Variants in AGMO observed in about 807,000 individuals in gnomAD.
AGMO encodes alkylglycerol monooxygenase, also known as glyceryl-ether monooxygenase.
A neutral mutation model predicts 60.2 loss-of-function variants in AGMO; 75 were observed. That is an observed-to-expected ratio of 1.25 (90% confidence interval 1.03 to 1.51). AGMO has a LOEUF of 1.51. Among genes scored for constraint, AGMO ranks in the 40% most tolerant of loss-of-function variants. AGMO has a pLI of 0.00. For missense variants in AGMO, 763 were observed against 525.5 expected, an observed-to-expected ratio of 1.45 and a Z score of -4.42; for synonymous variants, 261 against 177.1, an observed-to-expected ratio of 1.47 and a Z score of -3.76.
chr7:15,402,592 A>G lies in AGMO; in HGVS notation c.610-8413T>C, dbSNP rs535637625. 1.9e-4 allele frequency among the ~76,000 whole-genome samples: 28 copies of G among 147,388 alleles called. No individual in the cohort carries two copies. In the East Asian group the frequency reaches 5.3e-3, roughly 28 times the overall value. ...ATAGTCATATATTTAACCTTATTAA[A>G]TATATTTATCATTTAATAATAATAT... On this transcript the variant is annotated intron_variant, in intron 5 of 12. Transcript: ENST00000342526.
chr7:15,173,773 T>A, the AGMO span, among the ~76,000 whole-genome samples: 1 of 151,780 alleles, frequency 6.6e-6, no homozygotes, highest in African/African-American at 2.4e-5. Context: ...CCAATAGATA[T>A]AAATTTGAAA....
intron 4 of AGMO, 65 bp downstream of exon 4, chr7:15,430,940 A>C: frequency 1.8e-6 from 1 of 551,818 alleles, no homozygotes; most frequent in Non-Finnish European, 2.7e-6. Context: ...TTTTGAGGAA[A>C]TAGAAATAGC....
chr7:15,156,889 A>G, the AGMO span, among the ~76,000 whole-genome samples: 1 of 152,132 alleles, frequency 6.6e-6, no homozygotes, highest in Non-Finnish European at 1.5e-5. Flanking sequence ...ATTTTCTTTC[A>G]GCACATTGAA....
intron 12 of AGMO, among the ~76,000 whole-genome samples, chr7:15,338,004 G>C (rs1342373171): frequency 2.6e-5 from 4 of 152,154 alleles, no homozygotes; most frequent in Non-Finnish European, 5.9e-5. Context: ...CTCCAGGGAA[G>C]ATGTGACCAA....
chr7:15,426,467 C>T (rs373432562), intron 4 of AGMO, among the ~76,000 whole-genome samples: 2 of 152,058 alleles, frequency 1.3e-5, no homozygotes, highest in East Asian at 1.9e-4. Flanking sequence ...CCAAAATCTT[C>T]CCCAGGCGCG....
Position 15,469,947 on chromosome 7 carries a change from G to C in AGMO, c.410-38839C>G, listed in dbSNP as rs116724138. On this transcript the variant is annotated intron_variant, in intron 3 of 12. Transcript: ENST00000342526. ...GAATATGAGGAAAAACAAAAGAATG[G>C]ATGATATTATTTGGGATATTATTTG... 1.0e-2 allele frequency among the ~76,000 whole-genome samples: 1,513 copies of C among 152,054 alleles called. 29 individuals carry two copies. Among genetic ancestry groups the C allele is most frequent in the African/African-American group, 0.035 (1,435 of 41,510 alleles).
chr7:15,159,877 T>C, the AGMO span, among the ~76,000 whole-genome samples: 1 of 152,184 alleles, frequency 6.6e-6, no homozygotes, highest in Non-Finnish European at 1.5e-5. Context: ...CTTCTTATGA[T>C]CCCTACACCC....
chr7:15,274,105 A>G (rs1198234788), intron 12 of AGMO, among the ~76,000 whole-genome samples: 1 of 152,088 alleles, frequency 6.6e-6, no homozygotes, highest in Non-Finnish European at 1.5e-5. Flanking sequence ...CTAATTGAAT[A>G]CCCTTTATTT....
At chr7:15,508,210 T>C (rs532798088) in intron 3 of AGMO, among the ~76,000 whole-genome samples, 95 of 152,154 alleles carry the variant, frequency 6.2e-4, no homozygotes, top group African/African-American at 2.2e-3. Context: ...ATAATAATAC[T>C]TGTGAGGTTG....
intron 12 of AGMO, among the ~76,000 whole-genome samples, chr7:15,268,016 G>A (rs1223650584): frequency 2.0e-5 from 3 of 151,794 alleles, no homozygotes; most frequent in Non-Finnish European, 4.4e-5. Flanking sequence ...AACAACTATT[G>A]TGGGTGCCAA....
At chr7:15,143,608 T>C in the AGMO span, among the ~76,000 whole-genome samples, 2 of 152,142 alleles carry the variant, frequency 1.3e-5, no homozygotes, top group East Asian at 1.9e-4. Context: ...TTCAGAAATA[T>C]TTAAAAACAT....
chr7:15,386,260 C>T (rs1783910148), intron 9 of AGMO, among the ~76,000 whole-genome samples: 14 of 152,074 alleles, frequency 9.2e-5, no homozygotes, highest in Admixed American at 8.5e-4. Flanking sequence ...TTATTGGAAA[C>T]AACTTTTCTA....
intron 3 of AGMO, among the ~76,000 whole-genome samples, chr7:15,450,181 G>A (rs943484972): frequency 7.9e-5 from 12 of 152,096 alleles, no homozygotes; most frequent in African/African-American, 2.7e-4. Flanking sequence ...AGTGCTTTGG[G>A]AGGCCGAGGC....
At chr7:15,359,365 G>T (rs992288755) in intron 12 of AGMO, among the ~76,000 whole-genome samples, 3 of 151,220 alleles carry the variant, frequency 2.0e-5, no homozygotes, top group Non-Finnish European at 4.4e-5. Flanking sequence ...ATAAATTGAT[G>T]ACATTTTAAA....
At chr7:15,459,814 G>A (rs1285994903) in intron 3 of AGMO, among the ~76,000 whole-genome samples, 1 of 152,004 alleles carries the variant, frequency 6.6e-6, no homozygotes, top group Non-Finnish European at 1.5e-5. Context: ...TATGTGAGTA[G>A]AAAAACTAAA....
At chr7:15,465,326 AGTGTGTGTGTGC>A (rs1170481626) in intron 3 of AGMO, among the ~76,000 whole-genome samples, 3 of 150,728 alleles carry the variant, frequency 2.0e-5, no homozygotes, top group Non-Finnish European at 4.4e-5. Flanking sequence ...CCGAAATTAG[AGTGTGTGTGTGC>A]GTGTGTGTAT....
At chr7:15,185,951 G>T in the AGMO span, among the ~76,000 whole-genome samples, 12 of 152,268 alleles carry the variant, frequency 7.9e-5, no homozygotes, top group African/African-American at 2.4e-4. Context: ...TCTGTATACA[G>T]AATTTTAATT....
intron 4 of AGMO, among the ~76,000 whole-genome samples, chr7:15,421,147 AG>A (rs1780911236): frequency 6.6e-6 from 1 of 152,122 alleles, no homozygotes; most frequent in Admixed American, 6.6e-5. Context: ...GGCGTTGGAG[AG>A]TAGTGTGGCT....
At chr7:15,218,101 T>C (rs575986164) in intron 12 of AGMO, among the ~76,000 whole-genome samples, 25 of 152,048 alleles carry the variant, frequency 1.6e-4, no homozygotes, top group African/African-American at 6.0e-4. Context: ...CGGTAATATA[T>C]CCAAACAATT....
Sources: gnomAD v4.1 joint callset for allele counts (sites outside exome capture counted in the v4.1 genomes callset) on GRCh38, gnomAD v4.1.1 for gene constraint, MANE v1.5 for transcripts, NCBI Gene and HGNC (gene_info 2026-07-23, HGNC 2026-07-21) for gene names.